Variants in ECT2L observed in about 807,000 individuals in gnomAD.
ECT2L encodes epithelial cell transforming 2 like.
A neutral mutation model predicts 122.8 loss-of-function variants in ECT2L; 126 were observed. That is an observed-to-expected ratio of 1.03 (90% CI 0.89 to 1.19). The LOEUF is 1.19. Ranked by LOEUF, ECT2L falls within the 50% of genes most tolerant of loss-of-function variation. ECT2L has a pLI of 0.00. For missense variants in ECT2L, 1,012 were observed against 1,064.1 expected (o/e 0.95, Z 0.68); for synonymous variants, 385 against 381.8 (o/e 1.01, Z -0.10).
At chr6:138,867,065 C>T (rs771286157) in intron 12 of ECT2L, among the ~76,000 whole-genome samples, 2 of 151,430 alleles carry the variant, frequency 1.3e-5, no homozygotes, top group Non-Finnish European at 2.9e-5. Flanking sequence ...CAGAATGAGA[C>T]CCTGTCTCAA....
intron 12 of ECT2L, 40 bp downstream of exon 12, chr6:138,865,218 A>G: frequency 6.4e-7 from 1 of 1,551,780 alleles, no homozygotes; most frequent in Non-Finnish European, 8.7e-7. Flanking sequence ...TTAATTATGA[A>G]GTTGCTTTCA....
rs528130527 is a variant in ECT2L, at chr6:138,896,162, C to T, written c.2415-4786C>T. ...GCCAGGCTGGTCTTGAATTCCTTGG[C>T]TCAGATGATCCTCCCAACTCGGCCT... On this transcript the variant is annotated intron_variant, in intron 20 of 21. Transcript: ENST00000541398. 2.0e-3 allele frequency among the ~76,000 whole-genome samples: 296 copies of T among 149,168 alleles called. 2 individuals are homozygous for T. The highest frequency in any genetic ancestry group is 5.4e-3 in the East Asian group (27 of 5,006).
At chr6:138,881,270 T>C (rs1370565305) in intron 15 of ECT2L, 99 bp downstream of exon 15, 2 of 1,223,666 alleles carry the variant, frequency 1.6e-6, no homozygotes, top group Non-Finnish European at 2.3e-6. Flanking sequence ...AATGATGCTC[T>C]GACCCTCTTA....
At chr6:138,900,354 C>T (rs895351271) in intron 20 of ECT2L, among the ~76,000 whole-genome samples, 4 of 152,010 alleles carry the variant, frequency 2.6e-5, no homozygotes, top group African/African-American at 9.7e-5. Context: ...TCAAGTGATT[C>T]TCCTGCCTCA....
intron 11 of ECT2L, among the ~76,000 whole-genome samples, chr6:138,864,002 T>TAAAAAAAAAAAAAAAAAAAAA (rs1172466449): frequency 5.4e-5 from 3 of 55,872 alleles, no homozygotes; most frequent in African/African-American, 2.3e-4. Context: ...TCTCCGTATT[T>TAAAAAAAAAAAAAAAAAAAAA]AAAAAAAAAA....
chr6:138,867,535 T>G (rs942685066), intron 12 of ECT2L, among the ~76,000 whole-genome samples: 1 of 151,228 alleles, frequency 6.6e-6, no homozygotes. Context: ...GTTGGCTGGC[T>G]GCAGTGGCTC....
At chr6:138,873,892 G>GTGTGTGTGTGTGTGTGTGTGTGTGTA (rs1554276991) in intron 13 of ECT2L, among the ~76,000 whole-genome samples, 9 of 134,844 alleles carry the variant, frequency 6.7e-5, no homozygotes, top group African/African-American at 2.5e-4. Context: ...GTGTGTGTGT[G>GTGTGTGTGTGTGTGTGTGTGTGTGTA]TGTGTGTGTG....
Position 138,881,185 on chromosome 6 carries a change from A to T in ECT2L, c.1880+14A>T. ...AAGTCTCAACAGGTAAACCCTGAATATGTATTTTTTTTAATATTCATTGTG... is the reference window on the plus strand; with the variant it reads ...AAGTCTCAACAGGTAAACCCTGAATTTGTATTTTTTTTAATATTCATTGTG... On this transcript the variant is annotated intron_variant, in intron 15 of 21. Coordinates refer to ENST00000541398, the MANE Select transcript of ECT2L (RefSeq NM_001077706.3). 1.9e-6 allele frequency: 3 copies of T among 1,609,290 alleles called. No individual in the cohort carries two copies. The highest frequency in any genetic ancestry group is 2.5e-6 in the Non-Finnish European group (3 of 1,177,158).
Position 138,844,506 on chromosome 6 carries a change from A to G in ECT2L, c.690A>G (p.Val230=), listed in dbSNP as rs1397554551. Residue 230 remains valine (V), a synonymous_variant, in exon 7 of 22, where the codon GTA becomes GTG. Transcript: ENST00000541398. ...GCCAACCACGCCTCTCCCAGACTGTAAGGGAGCGAGTGGGATTACATGAAG... is the reference window on the plus strand; with the variant it reads ...GCCAACCACGCCTCTCCCAGACTGTGAGGGAGCGAGTGGGATTACATGAAG... The part of the protein sequence containing the change: ...PRCQPRLSQT[V]RERVGLHEAL... 1.2e-6 allele frequency: 2 copies of G among 1,614,008 alleles called. No homozygotes were observed. Among genetic ancestry groups the G allele is most frequent in the Non-Finnish European group, 1.7e-6 (2 of 1,180,008 alleles).
chr6:138,818,296 A>G (rs1159712147), intron 4 of ECT2L, among the ~76,000 whole-genome samples: 1 of 152,058 alleles, frequency 6.6e-6, no homozygotes, highest in Non-Finnish European at 1.5e-5. Context: ...GTTGGAGGGC[A>G]GAAAAATATC....
chr6:138,854,701 G>A (rs1487118018), intron 10 of ECT2L, among the ~76,000 whole-genome samples: 3 of 152,174 alleles, frequency 2.0e-5, no homozygotes, highest in African/African-American at 7.2e-5. Context: ...TAAACACAGT[G>A]TAAATTCTTA....
intron 16 of ECT2L, among the ~76,000 whole-genome samples, chr6:138,885,004 G>C (rs1778764536): frequency 7.0e-6 from 1 of 143,310 alleles, no homozygotes; most frequent in Non-Finnish European, 1.5e-5. Context: ...TCAGGTCTAT[G>C]TATAATTAAC....
At chr6:138,867,957 G>C in intron 12 of ECT2L, 146 bp from the exon 13 acceptor site, 1 of 527,748 alleles carries the variant, frequency 1.9e-6, no homozygotes, top group Non-Finnish European at 3.1e-6. Context: ...CTATGATTTT[G>C]CCACAGCACC....
intron 20 of ECT2L, among the ~76,000 whole-genome samples, chr6:138,896,442 C>A (rs1252211680): frequency 6.6e-6 from 1 of 152,168 alleles, no homozygotes; most frequent in Non-Finnish European, 1.5e-5. Flanking sequence ...CCAAAGGGAT[C>A]TACAGTCACT....
chr6:138,891,697 G>A (rs577032972), intron 20 of ECT2L, among the ~76,000 whole-genome samples: 18 of 152,138 alleles, frequency 1.2e-4, no homozygotes, highest in African/African-American at 4.1e-4. Flanking sequence ...TTCTATCCCC[G>A]TAAAATGTAT....
chr6:138,827,581 G>T (rs1583563573), intron 4 of ECT2L, among the ~76,000 whole-genome samples: 1 of 151,168 alleles, frequency 6.6e-6, no homozygotes, highest in Non-Finnish European at 1.5e-5. Context: ...TTTTGAGATG[G>T]AGTCTCACTC....
At chr6:138,897,218 T>C (rs1779245460) in intron 20 of ECT2L, among the ~76,000 whole-genome samples, 1 of 152,080 alleles carries the variant, frequency 6.6e-6, no homozygotes, top group Non-Finnish European at 1.5e-5. Context: ...TCTGAAACAC[T>C]AGGAGCCACT....
chr6:138,884,160 C>T (rs1778733147), intron 16 of ECT2L, among the ~76,000 whole-genome samples: 2 of 152,136 alleles, frequency 1.3e-5, no homozygotes, highest in Admixed American at 6.5e-5. Flanking sequence ...GCCACCATGC[C>T]AGCCAATGTT....
chr6:138,823,409 T>C, intron 4 of ECT2L: 1 of 1,609,192 alleles, frequency 6.2e-7, no homozygotes, highest in Non-Finnish European at 8.5e-7. Context: ...TGTGCTACTT[T>C]ATCACGGCAA....
Sources: gnomAD v4.1 joint callset for allele counts (sites outside exome capture counted in the v4.1 genomes callset) on GRCh38, gnomAD v4.1.1 for gene constraint, MANE v1.5 for transcripts, NCBI Gene and HGNC (gene_info 2026-07-23, HGNC 2026-07-21) for gene names.